SMARCA2: variants seen among roughly 807,000 people sequenced by gnomAD.
SMARCA2 encodes SWI/SNF-related matrix-associated actin-dependent regulator of chromatin subfamily A member 2.
In SMARCA2, 61 loss-of-function variants were observed where a neutral mutation model predicts 199.8. The ratio of observed to expected loss-of-function variants is 0.31; its 90% CI spans 0.25 to 0.38. SMARCA2 has a LOEUF of 0.38. Ranked by LOEUF, SMARCA2 falls within the 10% of genes least tolerant of loss-of-function variation. SMARCA2 has a pLI of 1.00. For missense variants in SMARCA2, 1,344 were observed against 2,012.2 expected, an observed-to-expected ratio of 0.67 and a Z score of 6.35; for synonymous variants, 935 against 732.0, an observed-to-expected ratio of 1.28 and a Z score of -4.48.
chr9:2,097,083 G>T (rs1038580052), intron 20 of SMARCA2: 3 of 496,232 alleles, frequency 6.0e-6, no homozygotes, highest in African/African-American at 5.8e-5. Flanking sequence ...CTGGGCATCT[G>T]TTCTGTGCTT....
At chr9:2,058,652 A>C (rs1045165412) in intron 8 of SMARCA2, among the ~76,000 whole-genome samples, 188 bp downstream of exon 8, 2 of 152,164 alleles carry the variant, frequency 1.3e-5, no homozygotes, top group Non-Finnish European at 2.9e-5. Context: ...CATGCCAAAA[A>C]TCTAGGGGGA....
In SMARCA2 at chr9:2,158,131, T is replaced by C. The variant is rs149257444; in HGVS notation, c.3982-3555T>C. ...GAAAAACATTTTCTTTTAAGCAAAATTGAAAGAAAGAAAAGAGAGAAAGAG... is the reference window on the plus strand; with the variant it reads ...GAAAAACATTTTCTTTTAAGCAAAACTGAAAGAAAGAAAAGAGAGAAAGAG... On this transcript the variant is annotated intron_variant, in intron 27 of 33. Transcript: ENST00000349721. 2.4e-3 allele frequency: 424 copies of C among 174,774 alleles called. 1 individual carries two copies. Among genetic ancestry groups the C allele is most frequent in the African/African-American group, 0.013 (403 of 30,324 alleles). The allele number at this position is 174,774 out of a possible 1,614,324, so 10.8% of individuals were successfully genotyped here.
intron 2 of SMARCA2, among the ~76,000 whole-genome samples, chr9:2,030,291 C>T (rs1448634245): frequency 6.6e-6 from 1 of 152,178 alleles, no homozygotes; most frequent in Non-Finnish European, 1.5e-5. Flanking sequence ...GGATACCCAG[C>T]AGAACCTGTG....
chr9:2,053,831 A>G (rs1820234778), intron 5 of SMARCA2, among the ~76,000 whole-genome samples: 1 of 152,226 alleles, frequency 6.6e-6, no homozygotes, highest in Non-Finnish European at 1.5e-5. Flanking sequence ...GGCTAAAGTC[A>G]GAGGTCTTTT....
intron 28 of SMARCA2, among the ~76,000 whole-genome samples, chr9:2,162,296 T>TA (rs1825722599): frequency 6.6e-6 from 1 of 152,228 alleles, no homozygotes; most frequent in African/African-American, 2.4e-5. Flanking sequence ...TTAAGGTAAA[T>TA]ATTTCATGTT....
At chr9:2,181,536 G>A (rs1051558926) in intron 29 of SMARCA2, 35 bp from the exon 30 acceptor site, 2 of 995,784 alleles carry the variant, frequency 2.0e-6, no homozygotes, top group Non-Finnish European at 3.2e-6. Flanking sequence ...AATGTTTGAT[G>A]TGGCTTGTTT....
At chr9:2,188,644 TCTATTGCTG>T (rs1827659260) in intron 32 of SMARCA2, among the ~76,000 whole-genome samples, 1 of 152,220 alleles carries the variant, frequency 6.6e-6, no homozygotes, top group Admixed American at 6.5e-5. Context: ...ATATTAATTT[TCTATTGCTG>T]CTATAACAAA....
At chr9:2,182,103 C>A in intron 30 of SMARCA2, 38 bp from the exon 31 acceptor site, 1 of 1,293,554 alleles carries the variant, frequency 7.7e-7, no homozygotes, top group South Asian at 1.2e-5. Context: ...TTTTCCTCTC[C>A]CTCTTTTTTT....
intron 1 of SMARCA2, among the ~76,000 whole-genome samples, chr9:2,028,185 T>G (rs1818914364): frequency 6.6e-6 from 1 of 152,220 alleles, no homozygotes; most frequent in Admixed American, 6.5e-5. Context: ...TCCCTGGTTT[T>G]AACTGTCTGA....
At chr9:2,152,412 G>C (rs1027717174) in intron 27 of SMARCA2, among the ~76,000 whole-genome samples, 1 of 152,050 alleles carries the variant, frequency 6.6e-6, no homozygotes, top group Non-Finnish European at 1.5e-5. Flanking sequence ...GATTAGCCAG[G>C]TGTGGTGGCT....
At chr9:2,031,789 C>G (rs568655463) in intron 2 of SMARCA2, among the ~76,000 whole-genome samples, 1 of 152,312 alleles carries the variant, frequency 6.6e-6, no homozygotes, top group African/African-American at 2.4e-5. Context: ...GAGCTCACAC[C>G]TGCTGACCAG....
intron 21 of SMARCA2, among the ~76,000 whole-genome samples, chr9:2,100,664 C>G (rs1822469539): frequency 6.6e-6 from 1 of 151,374 alleles, no homozygotes; most frequent in Admixed American, 6.6e-5. Context: ...GACTGCGCCA[C>G]TGCACTCCAG....
intron 25 of SMARCA2, among the ~76,000 whole-genome samples, chr9:2,116,522 AT>A (rs1446967245): frequency 2.6e-5 from 4 of 152,216 alleles, no homozygotes; most frequent in African/African-American, 4.8e-5. Flanking sequence ...TCTTCCGCAC[AT>A]TTAGCTATAC....
At chr9:2,076,985 A>G (rs1260872928) in intron 13 of SMARCA2, among the ~76,000 whole-genome samples, 2 of 152,000 alleles carry the variant, frequency 1.3e-5, no homozygotes, top group African/African-American at 4.8e-5. Flanking sequence ...ACATCCTAAT[A>G]TTTCTCCCTT....
chr9:2,168,201 G>T (rs1347503315), intron 28 of SMARCA2, among the ~76,000 whole-genome samples: 3 of 152,036 alleles, frequency 2.0e-5, no homozygotes, highest in Non-Finnish European at 4.4e-5. Flanking sequence ...GGTAGAGACA[G>T]GGTTTTGCCA....
At chr9:2,048,228 T>C (rs1029465372) in intron 5 of SMARCA2, among the ~76,000 whole-genome samples, 7 of 152,170 alleles carry the variant, frequency 4.6e-5, no homozygotes, top group Non-Finnish European at 1.0e-4. Flanking sequence ...AAATGGTTAA[T>C]GTCAACCCAA....
At chr9:2,023,721 C>G (rs927762838) in intron 1 of SMARCA2, among the ~76,000 whole-genome samples, 2 of 152,214 alleles carry the variant, frequency 1.3e-5, no homozygotes, top group Non-Finnish European at 2.9e-5. Context: ...TCCTTACCCA[C>G]CCCGCACTGC....
At chr9:2,109,254 T>C (rs1173710058) in intron 23 of SMARCA2, among the ~76,000 whole-genome samples, 2 of 152,278 alleles carry the variant, frequency 1.3e-5, no homozygotes, top group African/African-American at 4.8e-5. Context: ...CATACATATT[T>C]CCCAACAGCC....
At chr9:2,189,134 G>T (rs560813628) in intron 32 of SMARCA2, among the ~76,000 whole-genome samples, 1 of 152,192 alleles carries the variant, frequency 6.6e-6, no homozygotes, top group African/African-American at 2.4e-5. Context: ...CTTTTGCCAT[G>T]TAATATAACA....
Sources: gnomAD v4.1 joint callset for allele counts (sites outside exome capture counted in the v4.1 genomes callset) on GRCh38, gnomAD v4.1.1 for gene constraint, MANE v1.5 for transcripts, NCBI Gene and HGNC (gene_info 2026-07-23, HGNC 2026-07-21) for gene names.